The following OPRPN variants were observed in gnomAD, a reference collection of about 807,000 sequenced individuals.
OPRPN encodes the protein opiorphin prepropeptide, also known as basic proline-rich lacrimal protein.
In OPRPN, 1 loss-of-function variant was observed where a neutral mutation model predicts 2.2. The observed-to-expected ratio is 0.45, with a 90% CI of 0.16 to 2.15. The LOEUF is 2.15. Ranked by LOEUF, OPRPN falls within the 30% of genes most tolerant of loss-of-function variation. The probability of loss-of-function intolerance (pLI) is 0.28; values close to 1 mark genes in which losing one functional copy is unlikely to be tolerated. For missense variants in OPRPN, 306 were observed against 297.3 expected (o/e 1.03, Z -0.21); for synonymous variants, 126 against 111.5 (o/e 1.13, Z -0.82).
rs1732898458 is a variant in OPRPN, at chr4:70,398,014, T to C, written c.-42T>C. ...GCAAGAGTAAGATTAAGCAGTAATT[T>C]GTTCCAAAGAAGAATCTTCTACCAA... On this transcript the variant is annotated 5_prime_UTR_variant, in exon 1 of 3. Coordinates refer to ENST00000399575, the MANE Select transcript of OPRPN (RefSeq NM_021225.5). The C allele has an allele frequency of 6.6e-6, 1 of 151,980 alleles. No homozygotes were observed. The highest frequency in any genetic ancestry group is 1.5e-5 in the Non-Finnish European group (1 of 67,918). The allele number at this position is 151,980 out of a possible 1,614,324, so 9.4% of individuals were successfully genotyped here. A position where few individuals can be genotyped will look rare whatever the true frequency, so the allele number is the denominator to read the frequency against.
At chr4:70,399,206 A>T (rs994594556) in intron 1 of OPRPN, 65 bp from the exon 2 acceptor site, 50 of 1,213,190 alleles carry the variant, frequency 4.1e-5, no homozygotes, top group Middle Eastern at 2.2e-4. Context: ...GTTTTAAAAA[A>T]TTTTTTCTGA....
chr4:70,409,991 C>T lies in OPRPN; in HGVS notation c.663C>T (p.Val221=). The T allele has an allele frequency of 6.2e-7, 1 of 1,613,132 alleles. No homozygotes were observed. Among genetic ancestry groups the T allele is most frequent in the Non-Finnish European group, 8.5e-7 (1 of 1,179,724 alleles). Reference sequence around the variant, plus strand: ...ACACAGTATTGCTCAATGCCACTGTCCAAGTTACGACTTCCAACCAAACTA... The same window carrying T: ...ACACAGTATTGCTCAATGCCACTGTTCAAGTTACGACTTCCAACCAAACTA... ...RPHTVLLNAT[V]QVTTSNQTIL... The change falls in exon 3 of 3, where the codon GTC becomes GTT. Residue 221 remains valine, a synonymous_variant. Coordinates refer to ENST00000399575, the MANE Select transcript of OPRPN (RefSeq NM_021225.5).
chr4:70,409,287 TAG>T, intron 2 of OPRPN, 91 bp from the exon 3 acceptor site: 2 of 922,968 alleles, frequency 2.2e-6, no homozygotes, highest in Non-Finnish European at 3.3e-6. Flanking sequence ...GTTTACATAG[TAG>T]ATATATTAAT....
In OPRPN at chr4:70,409,406, A is replaced by C; in HGVS notation, c.78A>C (p.Arg26Ser). ...FTPSESQRFS[R>S]RPYLPGQLPP... ...CCAGTGAGAGTCAAAGATTCTCCAGAAGACCATATCTACCTGGCCAGCTGC... is the reference window on the plus strand; with the variant it reads ...CCAGTGAGAGTCAAAGATTCTCCAGCAGACCATATCTACCTGGCCAGCTGC... The change falls in exon 3 of 3, where the codon AGA (arginine) becomes AGC (serine). Residue 26 changes from arginine (R) to serine (S), a missense_variant. Physicochemically the swap from Arg to Ser is moderately radical, Grantham distance 110 (BLOSUM62 -1). Coordinates refer to ENST00000399575, the MANE Select transcript of OPRPN (RefSeq NM_021225.5). 7 of 1,611,848 alleles carry C rather than the reference A, an allele frequency of 4.3e-6. 1 individual carries two copies. The highest frequency in any genetic ancestry group is 3.3e-4 in the Middle Eastern group (2 of 6,040).
At position 70,404,410 on chromosome 4, in the gene OPRPN, A is replaced by G. The variant is rs551423700; in HGVS notation, c.52-4970A>G. Among the ~76,000 whole-genome samples the G allele has an allele frequency of 8.7e-4, 132 of 152,256 alleles. 1 individual carries two copies. The highest frequency in any genetic ancestry group is 5.7e-3 in the Admixed American group (87 of 15,274). On this transcript the variant is annotated intron_variant, in intron 2 of 2. Transcript: ENST00000399575. ...TTTCTCCATCTATGAGCACAAATCC[A>G]GTTGCTCAAGCCAAAAAAAACTTGA...
chr4:70,402,444 A>T (rs566175348), intron 2 of OPRPN, among the ~76,000 whole-genome samples: 3 of 152,256 alleles, frequency 2.0e-5, no homozygotes, highest in African/African-American at 7.2e-5. Context: ...TGGCATTCTG[A>T]AATCAAGTAA....
intron 2 of OPRPN, among the ~76,000 whole-genome samples, chr4:70,402,036 G>T (rs1732993186): frequency 1.3e-5 from 2 of 152,032 alleles, no homozygotes; most frequent in Non-Finnish European, 2.9e-5. Context: ...TTTACAGAAA[G>T]GGCTATGATA....
chr4:70,401,082 T>C (rs1732976044), intron 2 of OPRPN, among the ~76,000 whole-genome samples: 1 of 152,032 alleles, frequency 6.6e-6, no homozygotes, highest in African/African-American at 2.4e-5. Flanking sequence ...TGAGGATTCA[T>C]ATGAATTAAT....
intron 2 of OPRPN, among the ~76,000 whole-genome samples, chr4:70,403,734 G>T (rs1411917203): frequency 6.6e-6 from 1 of 152,000 alleles, no homozygotes; most frequent in East Asian, 1.9e-4. Context: ...TGTGAATGGA[G>T]AAACAAAATT....
chr4:70,398,286 T>G (rs1732903555), intron 1 of OPRPN, among the ~76,000 whole-genome samples: 1 of 151,910 alleles, frequency 6.6e-6, no homozygotes, highest in South Asian at 2.1e-4. Flanking sequence ...TCTATTGACT[T>G]TTTCCACTGC....
intron 2 of OPRPN, among the ~76,000 whole-genome samples, chr4:70,405,232 T>C (rs1483893351): frequency 6.6e-6 from 1 of 152,218 alleles, no homozygotes; most frequent in Non-Finnish European, 1.5e-5. Context: ...TCTAGGGTTA[T>C]AATGTTCACT....
At position 70,409,622 on chromosome 4, in the gene OPRPN, C is replaced by A; in HGVS notation, c.294C>A (p.Leu98=). The A allele has an allele frequency of 6.2e-7, 1 of 1,614,066 alleles. No homozygotes were observed. Among genetic ancestry groups the A allele is most frequent in the Non-Finnish European group, 8.5e-7 (1 of 1,179,928 alleles). The change falls in exon 3 of 3, where the codon CTC becomes CTA. Residue 98 remains leucine, a synonymous_variant. Coordinates refer to ENST00000399575, the MANE Select transcript of OPRPN (RefSeq NM_021225.5). ...FPLESIRQPR[L]FPGYPNLHFP... ...TGGAATCTATTAGACAACCTCGACTCTTTCCGGGTTATCCAAACCTACATT... is the reference window on the plus strand; with the variant it reads ...TGGAATCTATTAGACAACCTCGACTATTTCCGGGTTATCCAAACCTACATT...
At chr4:70,408,301 T>C (rs994497448) in intron 2 of OPRPN, among the ~76,000 whole-genome samples, 4 of 152,212 alleles carry the variant, frequency 2.6e-5, no homozygotes, top group African/African-American at 9.6e-5. Context: ...TGATGGTCGC[T>C]AGAATAGAAC....
rs1577880560 is a variant in OPRPN, at chr4:70,397,959, T to C, written c.-97T>C. On this transcript the variant is annotated 5_prime_UTR_variant, in exon 1 of 3. Coordinates refer to ENST00000399575, the MANE Select transcript of OPRPN (RefSeq NM_021225.5). ...AAAGTTCTTTCTCTTCTTGGACTTT[T>C]AAATTGTGGCTACCTAAATTGAGTA... The C allele has an allele frequency of 6.6e-6, 1 of 152,104 alleles. No individual in the cohort carries two copies. Among genetic ancestry groups the C allele is most frequent in the South Asian group, 2.1e-4 (1 of 4,824 alleles). 9.4% of individuals were successfully genotyped at this position (152,104 alleles called of 1,614,324 possible).
At position 70,409,431 on chromosome 4, in the gene OPRPN, C is replaced by T; in HGVS notation, c.103C>T (p.Pro35Ser). 1 of 1,613,964 alleles carries T rather than the reference C, an allele frequency of 6.2e-7. No homozygotes were observed. Among genetic ancestry groups the T allele is most frequent in the Non-Finnish European group, 8.5e-7 (1 of 1,179,896 alleles). Residue 35 changes from proline to serine, a missense_variant, in exon 3 of 3, where the codon CCA becomes TCA. Physicochemically the swap from Pro to Ser is moderately conservative, Grantham distance 74. Transcript: ENST00000399575. ...SRRPYLPGQL[P>S]PPPLYRPRWV... Reference sequence around the variant, plus strand: ...AAGACCATATCTACCTGGCCAGCTGCCACCACCTCCACTCTACAGGCCAAG... The same window carrying T: ...AAGACCATATCTACCTGGCCAGCTGTCACCACCTCCACTCTACAGGCCAAG...
intron 2 of OPRPN, among the ~76,000 whole-genome samples, chr4:70,402,991 A>G (rs1191362424): frequency 1.3e-5 from 2 of 152,152 alleles, no homozygotes; most frequent in Non-Finnish European, 2.9e-5. Flanking sequence ...ACTTTAGTAC[A>G]TGAAGTCAGT....
At chr4:70,398,619 T>C (rs1026301322) in intron 1 of OPRPN, among the ~76,000 whole-genome samples, 2 of 151,914 alleles carry the variant, frequency 1.3e-5, no homozygotes, top group Admixed American at 6.6e-5. Flanking sequence ...GTGCTTCTTA[T>C]ATATTGTTGA....
Position 70,409,773 on chromosome 4 carries a change from G to A in OPRPN, c.445G>A (p.Ala149Thr), listed in dbSNP as rs139826053. 384 of 1,611,870 alleles carry A rather than the reference G, an allele frequency of 2.4e-4. 1 individual carries two copies. In the East Asian group the frequency reaches 7.4e-3, roughly 31 times the overall value. The change falls in exon 3 of 3, where the codon GCA becomes ACA. Residue 149 changes from alanine to threonine, a missense_variant. Ala to Thr is a moderately conservative substitution (Grantham distance 58). Coordinates refer to ENST00000399575, the MANE Select transcript of OPRPN (RefSeq NM_021225.5). The stretch of plus-strand genomic sequence containing the variant: ...TGAGCCCCAAATAAACATCACCACC[G>A]CAGATACAACAATCACCACAAATCC... ...NPEPQINITT[A>T]DTTITTNPPT...
chr4:70,401,360 A>G (rs1215038491), intron 2 of OPRPN, among the ~76,000 whole-genome samples: 2 of 152,140 alleles, frequency 1.3e-5, no homozygotes, highest in African/African-American at 4.8e-5. Context: ...GTAAATCTTA[A>G]CAACAGTCTT....
Sources: gnomAD v4.1 joint callset for allele counts (sites outside exome capture counted in the v4.1 genomes callset) on GRCh38, gnomAD v4.1.1 for gene constraint, MANE v1.5 for transcripts, NCBI Gene and HGNC (gene_info 2026-07-23, HGNC 2026-07-21) for gene names.